The following GALNTL6 variants were observed in gnomAD, a reference collection of about 807,000 sequenced individuals.
The protein encoded by GALNTL6 is polypeptide N-acetylgalactosaminyltransferase-like 6.
A neutral mutation model predicts 73.7 loss-of-function variants in GALNTL6; 46 were observed. That is an observed-to-expected ratio of 0.62 (90% CI 0.49 to 0.80). The LOEUF is 0.80. Ranked by LOEUF, GALNTL6 falls within the 30% of genes least tolerant of loss-of-function variation. GALNTL6 has a pLI of 0.00. For missense variants in GALNTL6, 604 were observed against 755.0 expected (o/e 0.80, Z 2.34); for synonymous variants, 259 against 263.7 (o/e 0.98, Z 0.17).
At chr4:172,328,005 T>G (rs1251723753) in intron 4 of GALNTL6, among the ~76,000 whole-genome samples, 1 of 152,184 alleles carries the variant, frequency 6.6e-6, no homozygotes, top group Non-Finnish European at 1.5e-5. Context: ...ATGTGTGTGT[T>G]TTTTTATTGG....
intron 2 of GALNTL6, among the ~76,000 whole-genome samples, chr4:171,898,420 A>G (rs1158727991): frequency 3.9e-5 from 6 of 152,140 alleles, no homozygotes; most frequent in African/African-American, 1.4e-4. Context: ...CCTTAAAACT[A>G]TTACCTATAA....
At chr4:172,091,853 A>G (rs371432728) in intron 2 of GALNTL6, among the ~76,000 whole-genome samples, 8 of 152,344 alleles carry the variant, frequency 5.3e-5, no homozygotes, top group African/African-American at 1.9e-4. Context: ...AGAGACAGAG[A>G]AAAGAATCGG....
At chr4:172,786,338 A>C (rs549275151) in intron 5 of GALNTL6, among the ~76,000 whole-genome samples, 8 of 152,230 alleles carry the variant, frequency 5.3e-5, no homozygotes, top group Non-Finnish European at 1.2e-4. Flanking sequence ...GTCAAGTTTC[A>C]AGTGGAATAT....
At chr4:172,803,332 T>C (rs1740765885) in intron 5 of GALNTL6, among the ~76,000 whole-genome samples, 2 of 152,192 alleles carry the variant, frequency 1.3e-5, no homozygotes, top group Non-Finnish European at 2.9e-5. Context: ...TAGATTCTGA[T>C]AGGAGCCAAA....
intron 2 of GALNTL6, among the ~76,000 whole-genome samples, chr4:171,998,549 G>A (rs1740568545): frequency 1.3e-5 from 2 of 152,108 alleles, no homozygotes; most frequent in Non-Finnish European, 2.9e-5. Flanking sequence ...GTAGTGGGGG[G>A]TTAGGACTTA....
chr4:172,866,133 T>C (rs570179342), intron 7 of GALNTL6, among the ~76,000 whole-genome samples: 1 of 152,286 alleles, frequency 6.6e-6, no homozygotes, highest in African/African-American at 2.4e-5. Context: ...CCTTCCCACC[T>C]AGGATACCTG....
intron 5 of GALNTL6, among the ~76,000 whole-genome samples, chr4:172,652,108 T>C (rs935530193): frequency 6.6e-6 from 1 of 152,314 alleles, no homozygotes. Flanking sequence ...ACTGGACAAC[T>C]GGAAAAGTCA....
intron 10 of GALNTL6, among the ~76,000 whole-genome samples, chr4:172,977,625 G>A (rs955823899): frequency 2.0e-5 from 3 of 152,180 alleles, no homozygotes; most frequent in East Asian, 1.9e-4. Flanking sequence ...GAGAGAGAGA[G>A]GATTCATGGC....
rs147390179 is a variant in GALNTL6, at chr4:172,290,427, C to G, written c.248-21187C>G. ...GTTTATGTCTGTTTTCTTAGCTTTACTTATATTTTTTATCTTAAGTAGCAA... is the reference window on the plus strand; with the variant it reads ...GTTTATGTCTGTTTTCTTAGCTTTAGTTATATTTTTTATCTTAAGTAGCAA... On this transcript the variant is annotated intron_variant, in intron 3 of 12. Transcript: ENST00000506823. Among the ~76,000 whole-genome samples the G allele has an allele frequency of 8.6e-3, 1,310 of 152,168 alleles. 16 individuals are homozygous for G. Among genetic ancestry groups the G allele is most frequent in the African/African-American group, 0.03 (1,244 of 41,538 alleles).
chr4:171,975,945 G>A (rs1046527006), intron 2 of GALNTL6, among the ~76,000 whole-genome samples: 3 of 151,744 alleles, frequency 2.0e-5, no homozygotes, highest in East Asian at 1.9e-4. Context: ...TTTTTAAGAC[G>A]GAATTTTCCT....
At chr4:172,131,377 T>C (rs1343105393) in intron 2 of GALNTL6, among the ~76,000 whole-genome samples, 2 of 148,148 alleles carry the variant, frequency 1.3e-5, no homozygotes, top group African/African-American at 2.5e-5. Flanking sequence ...TAAAACACTT[T>C]CATCTTCCAT....
intron 2 of GALNTL6, among the ~76,000 whole-genome samples, chr4:172,178,023 T>A (rs1378024477): frequency 5.3e-5 from 8 of 151,786 alleles, no homozygotes; most frequent in African/African-American, 1.7e-4. Context: ...GCTGATTTTT[T>A]AAAAAATTGA....
intron 5 of GALNTL6, among the ~76,000 whole-genome samples, chr4:172,776,034 A>C (rs1365544833): frequency 6.6e-6 from 1 of 152,180 alleles, no homozygotes; most frequent in African/African-American, 2.4e-5. Context: ...AATGGAGCCC[A>C]GCTGATACCT....
intron 12 of GALNTL6, among the ~76,000 whole-genome samples, chr4:173,030,028 A>C (rs1181797348): frequency 8.5e-5 from 13 of 152,154 alleles, no homozygotes; most frequent in Non-Finnish European, 5.9e-5. Context: ...ATGTAAAATT[A>C]TCTTCTAGAC....
intron 2 of GALNTL6, among the ~76,000 whole-genome samples, chr4:171,829,241 C>T (rs973239957): frequency 6.6e-6 from 1 of 152,076 alleles, no homozygotes; most frequent in African/African-American, 2.4e-5. Context: ...TAGTTGGGAT[C>T]ACCTTAAAAA....
chr4:172,114,740 GACA>G (rs1732941418), intron 2 of GALNTL6, among the ~76,000 whole-genome samples: 1 of 151,960 alleles, frequency 6.6e-6, no homozygotes, highest in African/African-American at 2.4e-5. Flanking sequence ...AAATAAACAG[GACA>G]ACTTTACTGT....
chr4:172,559,192 G>A (rs900287974), intron 5 of GALNTL6, among the ~76,000 whole-genome samples: 1 of 142,572 alleles, frequency 7.0e-6, no homozygotes, highest in Non-Finnish European at 1.5e-5. Flanking sequence ...AGCCTCCCGA[G>A]TAGCTGAGAC....
intron 2 of GALNTL6, among the ~76,000 whole-genome samples, chr4:171,902,050 T>C (rs139018799): frequency 2.0e-5 from 3 of 152,304 alleles, no homozygotes; most frequent in African/African-American, 7.2e-5. Context: ...AGTGGGAATG[T>C]TGCTAGTTCA....
chr4:171,827,456 G>A (rs1734853989), intron 2 of GALNTL6, among the ~76,000 whole-genome samples: 2 of 152,096 alleles, frequency 1.3e-5, no homozygotes, highest in Non-Finnish European at 2.9e-5. Flanking sequence ...ACAGGTGTTT[G>A]TACAATTACT....
Sources: allele counts gnomAD v4.1 joint callset (sites outside exome capture counted in the v4.1 genomes callset), GRCh38; gene constraint gnomAD v4.1.1; transcripts MANE v1.5; gene names NCBI Gene and HGNC (gene_info 2026-07-23, HGNC 2026-07-21).